ITIH3: variants seen among roughly 807,000 people sequenced by gnomAD.
The protein encoded by ITIH3 is inter-alpha-trypsin inhibitor heavy chain H3.
A neutral mutation model predicts 96.5 loss-of-function variants in ITIH3; 81 were observed. The ratio of observed to expected loss-of-function variants is 0.84; its 90% confidence interval spans 0.70 to 1.01. The LOEUF is 1.01. Ranked by LOEUF, ITIH3 falls within the 50% of genes least tolerant of loss-of-function variation. ITIH3 has a pLI of 0.00. For synonymous variants in ITIH3, 422 were observed against 445.2 expected (o/e 0.95, Z 0.66); for missense variants, 1,057 against 1,139.3 (o/e 0.93, Z 1.04).
chr3:52,798,265 C>T (rs1699672580), intron 6 of ITIH3, among the ~76,000 whole-genome samples: 1 of 152,192 alleles, frequency 6.6e-6, no homozygotes, highest in East Asian at 1.9e-4. Flanking sequence ...ACTGACTCCA[C>T]AATGAGAGGT....
rs566890039 is a variant in ITIH3 at position 52,808,312 on chromosome 3, T to C, written c.2543+91T>C. On this transcript the variant is annotated intron_variant, in intron 21 of 21. Coordinates refer to ENST00000449956, the MANE Select transcript of ITIH3 (RefSeq NM_002217.4). Reference sequence around the variant, plus strand: ...CAGGCACATTAGTCTGGTGGGCTTTTGTCTTCTGTGGGGTACCCTTGTTTC... The same window carrying C: ...CAGGCACATTAGTCTGGTGGGCTTTCGTCTTCTGTGGGGTACCCTTGTTTC... The C allele has an allele frequency of 4.6e-5, 55 of 1,197,346 alleles. No homozygotes were observed. In the East Asian group the frequency reaches 1.2e-3, roughly 27 times the overall value. The allele number at this position is 1,197,346 out of a possible 1,614,324, so 74.2% of individuals were successfully genotyped here.
intron 15 of ITIH3, chr3:52,805,303 T>G: frequency 9.9e-7 from 1 of 1,005,810 alleles, no homozygotes; most frequent in East Asian, 1.1e-4. Flanking sequence ...CCACCTCCAT[T>G]TGGACTGGCA....
Position 52,800,956 on chromosome 3 carries a change from C to G in ITIH3, c.1202-9C>G. 1 of 1,614,034 alleles carries G rather than the reference C, an allele frequency of 6.2e-7. No homozygotes were observed. The highest frequency in any genetic ancestry group is 1.3e-5 in the African/African-American group (1 of 75,070). Reference sequence around the variant, plus strand: ...GGGGCTGGACTGTGAACACCCCCTTCTCCAACAGGTGAGAGCAGACCCGAA... The same window carrying G: ...GGGGCTGGACTGTGAACACCCCCTTGTCCAACAGGTGAGAGCAGACCCGAA... On this transcript the variant is annotated splice_polypyrimidine_tract_variant and intron_variant, in intron 10 of 21. Coordinates refer to ENST00000449956, the MANE Select transcript of ITIH3 (RefSeq NM_002217.4).
At chr3:52,798,473 C>A in intron 6 of ITIH3, 1 of 178,436 alleles carries the variant, frequency 5.6e-6, no homozygotes, top group Non-Finnish European at 1.2e-5. Flanking sequence ...TCTGCAGGGC[C>A]ACATCCTGCC....
chr3:52,808,092 G>T lies in ITIH3; in HGVS notation c.2432-18G>T. ...GGCAATGGCCAGGGGCTGACAGCAT[G>T]AATATTTTTCTTCCCAGGGCAATTC... On this transcript the variant is annotated intron_variant, in intron 20 of 21. Coordinates refer to ENST00000449956, the MANE Select transcript of ITIH3 (RefSeq NM_002217.4). 4 of 1,612,098 alleles carry T rather than the reference G, an allele frequency of 2.5e-6. No individual in the cohort carries two copies. The highest frequency in any genetic ancestry group is 3.4e-6 in the Non-Finnish European group (4 of 1,178,126).
chr3:52,798,725 G>C, intron 6 of ITIH3: 1 of 540,774 alleles, frequency 1.8e-6, no homozygotes, highest in African/African-American at 1.9e-5. Context: ...ATCTCCAAGG[G>C]GAAAAGCGGT....
At position 52,799,771 on chromosome 3, in the gene ITIH3, A is replaced by T. The variant is rs985103353; in HGVS notation, c.925A>T (p.Arg309Ter). 6 of 1,612,946 alleles carry T rather than the reference A, an allele frequency of 3.7e-6. No homozygotes were observed. The Admixed American group carries it at 5.0e-5, about 13-fold the overall frequency. Residue 309 changes from arginine (R) to a stop codon, truncating the protein, a stop_gained, in exon 9 of 22, where the codon AGA (arginine) becomes TGA (stop). Transcript: ENST00000449956. LOFTEE classifies it high-confidence loss of function. Reference sequence around the variant, plus strand: ...CCTCCAGACAAAGGAGGCCCTTCTCAGAATCCTGGAAGATATGCAAGAGGA... The same window carrying T: ...CCTCCAGACAAAGGAGGCCCTTCTCTGAATCCTGGAAGATATGCAAGAGGA... The part of the protein sequence containing the change: ...KLEQTKEALL[R>*]ILEDMQEEDY...
intron 16 of ITIH3, 119 bp from the exon 17 acceptor site, chr3:52,805,984 A>G (rs971198312): frequency 3.9e-5 from 59 of 1,504,150 alleles, no homozygotes; most frequent in Non-Finnish European, 5.2e-5. Context: ...GTGGGAGGGC[A>G]ATGGCATTAG....
chr3:52,799,799 A>G lies in ITIH3; in HGVS notation c.953A>G (p.Asp318Gly). 1.9e-6 allele frequency: 3 copies of G among 1,613,728 alleles called. No homozygotes were observed. Among genetic ancestry groups the G allele is most frequent in the Non-Finnish European group, 2.5e-6 (3 of 1,179,746 alleles). The change falls in exon 9 of 22, where the codon GAC becomes GGC. Residue 318 changes from aspartate (D) to glycine (G), a missense_variant. Physicochemically the swap from Asp to Gly is moderately conservative, Grantham distance 94. Transcript: ENST00000449956. ...LRILEDMQEE[D>G]YLNFILFSGD... Reference sequence around the variant, plus strand: ...ATCCTGGAAGATATGCAAGAGGAAGACTATCTGAATTTCATCCTGTTCAGT... The same window carrying G: ...ATCCTGGAAGATATGCAAGAGGAAGGCTATCTGAATTTCATCCTGTTCAGT...
intron 12 of ITIH3, 61 bp downstream of exon 12, chr3:52,802,580 T>C: frequency 6.2e-7 from 1 of 1,611,134 alleles, no homozygotes; most frequent in Non-Finnish European, 8.5e-7. Flanking sequence ...GGTAGGGCTC[T>C]GGCCTCATGA....
intron 13 of ITIH3, among the ~76,000 whole-genome samples, chr3:52,803,069 G>A (rs1699897199): frequency 1.3e-5 from 2 of 152,188 alleles, no homozygotes; most frequent in Non-Finnish European, 2.9e-5. Flanking sequence ...ACTGGGCATG[G>A]CCCAGGGGTG....
intron 15 of ITIH3, 37 bp from the exon 16 acceptor site, chr3:52,805,771 C>A: frequency 6.2e-7 from 1 of 1,613,390 alleles, no homozygotes; most frequent in South Asian, 1.1e-5. Context: ...AGAAGGAACC[C>A]CTAGACCCTG....
rs371140702 is a variant in ITIH3 at position 52,806,419 on chromosome 3, G to A, written c.2056+13G>A. On this transcript the variant is annotated intron_variant, in intron 18 of 21. Transcript: ENST00000449956. ...GATGCAGTCACAGGTGAGGCTTGTG[G>A]GCTAGGGCCGGGGCCAGGGGGCTCT... is the stretch of plus-strand genomic sequence containing the variant. 4,709 of 1,600,730 alleles carry A rather than the reference G, an allele frequency of 2.9e-3. 19 individuals are homozygous for A. Among genetic ancestry groups the A allele is most frequent in the Non-Finnish European group, 3.2e-3 (3,795 of 1,171,106 alleles).
chr3:52,798,869 G>C, intron 6 of ITIH3, 97 bp from the exon 7 acceptor site: 1 of 1,466,736 alleles, frequency 6.8e-7, no homozygotes, highest in South Asian at 1.2e-5. Flanking sequence ...GCTCCTCCCT[G>C]TGAGGCTGCA....
At chr3:52,801,214 G>T in intron 11 of ITIH3, 68 bp downstream of exon 11, 1 of 1,358,550 alleles carries the variant, frequency 7.4e-7, no homozygotes, top group Non-Finnish European at 9.8e-7. Context: ...TGCTCCATAA[G>T]GTGACAGTTC....
rs745713888 is a variant in ITIH3 at position 52,797,820 on chromosome 3, G to A, written c.553G>A (p.Glu185Lys). The A allele has an allele frequency of 4.4e-6, 7 of 1,597,730 alleles. No individual in the cohort carries two copies. Among genetic ancestry groups the A allele is most frequent in the Middle Eastern group, 1.7e-4 (1 of 5,866 alleles). Residue 185 changes from glutamate to lysine, a missense_variant, in exon 6 of 22, where the codon GAG becomes AAG. Coordinates refer to ENST00000449956, the MANE Select transcript of ITIH3 (RefSeq NM_002217.4). ...PKQLVKHFEI[E>K]VDIFEPQGIS... is the part of the protein sequence containing the mutation. ...TTCCTTACTTTGGCCATTTCAGATC[G>A]AGGTAGACATCTTCGAGCCTCAGGG...
rs1435532753 is a variant in ITIH3, at chr3:52,808,108, AG to A, written c.2433del. ...TGACAGCATGAATATTTTTCTTCCCAGGGCAATTCTTCCAACCCTTTGACTT... is the reference window on the plus strand; with the variant it reads ...TGACAGCATGAATATTTTTCTTCCCAGGCAATTCTTCCAACCCTTTGACTT... On this transcript the variant is annotated splice_acceptor_variant, in intron 20 of 21. Transcript: ENST00000449956. LOFTEE classifies it high-confidence loss of function. 1 of 1,613,784 alleles carries A rather than the reference AG, an allele frequency of 6.2e-7. No homozygotes were observed. Among genetic ancestry groups the A allele is most frequent in the African/African-American group, 1.3e-5 (1 of 74,934 alleles).
intron 17 of ITIH3, 76 bp downstream of exon 17, chr3:52,806,214 T>TG (rs1184614684): frequency 6.3e-7 from 1 of 1,598,698 alleles, no homozygotes; most frequent in African/African-American, 1.3e-5. Context: ...GTCGAGCCCA[T>TG]GGAGGCCAGA....
In ITIH3 at chr3:52,805,815, G is replaced by A. The variant is rs368238625; in HGVS notation, c.1881G>A (p.Pro627=). The change falls in exon 16 of 22, where the codon CCG becomes CCA. Residue 627 remains proline, a synonymous_variant. Coordinates refer to ENST00000449956, the MANE Select transcript of ITIH3 (RefSeq NM_002217.4). ...DKPGEDAEAT[P]VSPAMSYLTS... is the part of the protein sequence containing the mutation. The stretch of plus-strand genomic sequence containing the variant: ...TGCCCTTCGGCTTTTCAGCCACACC[G>A]GTGAGCCCCGCCATGTCCTACCTGA... 6.2e-6 allele frequency: 10 copies of A among 1,613,672 alleles called. No individual in the cohort carries two copies. The East Asian group carries it at 6.7e-5, about 11-fold the overall frequency.
Sources: gnomAD v4.1 joint callset for allele counts (sites outside exome capture counted in the v4.1 genomes callset) on GRCh38, gnomAD v4.1.1 for gene constraint, MANE v1.5 for transcripts, NCBI Gene and HGNC (gene_info 2026-07-23, HGNC 2026-07-21) for gene names.